SPTLC1: variants seen among roughly 807,000 people sequenced by gnomAD.
The protein encoded by SPTLC1 is serine palmitoyltransferase long chain base subunit 1, also known as serine palmitoyltransferase 1.
A neutral mutation model predicts 68.9 loss-of-function variants in SPTLC1; 55 were observed. The ratio of observed to expected loss-of-function variants is 0.80; its 90% CI spans 0.64 to 1.00. The LOEUF is 1.00. Ranked by LOEUF, SPTLC1 falls within the 50% of genes least tolerant of loss-of-function variation. SPTLC1 has a pLI of 0.00. For synonymous variants in SPTLC1, 197 were observed against 201.6 expected (o/e 0.98, Z 0.19); for missense variants, 449 against 573.1 (o/e 0.78, Z 2.21).
At position 92,082,168 on chromosome 9, in the gene SPTLC1, G is replaced by C. The variant is rs191391938; in HGVS notation, c.261-1205C>G. Among the ~76,000 whole-genome samples the C allele has an allele frequency of 2.3e-4, 35 of 152,118 alleles. No homozygotes were observed. The East Asian group carries it at 6.6e-3, about 29-fold the overall frequency. ...GGAAATTGCTATTATGAAAGTGCCT[G>C]GCTCATAAGAGGTGCTCTCCAAATA... On this transcript the variant is annotated intron_variant, in intron 3 of 14. Transcript: ENST00000262554.
At chr9:92,078,762 A>G (rs549995575) in intron 5 of SPTLC1, among the ~76,000 whole-genome samples, 3 of 152,238 alleles carry the variant, frequency 2.0e-5, no homozygotes, top group Admixed American at 1.3e-4. Flanking sequence ...GCCAATTTCT[A>G]ATTTTAGGGT....
intron 3 of SPTLC1, among the ~76,000 whole-genome samples, chr9:92,088,714 G>A (rs1015151907): frequency 1.3e-5 from 2 of 152,190 alleles, no homozygotes; most frequent in Non-Finnish European, 2.9e-5. Flanking sequence ...CTATCAGAAG[G>A]CAGCATGATG....
intron 12 of SPTLC1, among the ~76,000 whole-genome samples, chr9:92,039,269 CT>C (rs1375256278): frequency 1.3e-5 from 2 of 152,118 alleles, no homozygotes; most frequent in Admixed American, 1.3e-4. Flanking sequence ...AAATTATTTT[CT>C]TTTTACTTAG....
rs181739383 is a variant in SPTLC1 at position 92,105,432 on chromosome 9, G to A, written c.260+3308C>T. 66 of 1,428,760 alleles carry A rather than the reference G, an allele frequency of 4.6e-5. No homozygotes were observed. In the African/African-American group the frequency reaches 8.0e-4, roughly 17 times the overall value. The allele number at this position is 1,428,760 out of a possible 1,614,324, so 88.5% of individuals were successfully genotyped here. ...AGAAAGAAGAGACAGCAGGGCAGGC[G>A]TGGTGGCCCACGCCTGTAATCCAGC... On this transcript the variant is annotated intron_variant, in intron 3 of 14. Transcript: ENST00000262554.
At chr9:92,086,312 T>C (rs1485695985) in intron 3 of SPTLC1, among the ~76,000 whole-genome samples, 7 of 152,168 alleles carry the variant, frequency 4.6e-5, no homozygotes, top group Admixed American at 2.6e-4. Flanking sequence ...TTTTGCTCGT[T>C]AGTTGATGCA....
intron 8 of SPTLC1, chr9:92,053,982 A>G (rs1833796008): frequency 1.0e-5 from 10 of 985,314 alleles, no homozygotes; most frequent in Non-Finnish European, 1.2e-5. Flanking sequence ...TGCTTTCACT[A>G]TTAAAAAGCT....
intron 5 of SPTLC1, chr9:92,076,769 T>G (rs1239328078): frequency 6.6e-6 from 1 of 152,174 alleles, no homozygotes; most frequent in South Asian, 2.1e-4. Flanking sequence ...GACTCTACTC[T>G]TATGCCCCGT....
At chr9:92,099,222 G>A (rs757325415) in intron 3 of SPTLC1, among the ~76,000 whole-genome samples, 13 of 152,152 alleles carry the variant, frequency 8.5e-5, no homozygotes, top group Non-Finnish European at 1.5e-4. Context: ...CCCAGGGATC[G>A]GCACCACAGC....
rs138820429 is a variant in SPTLC1 at position 92,076,560 on chromosome 9, A to T, written c.427+3456T>A. Among the ~76,000 whole-genome samples, 317 of 152,152 alleles carry T rather than the reference A, an allele frequency of 2.1e-3. 4 individuals are homozygous for T. Among genetic ancestry groups the T allele is most frequent in the Non-Finnish European group, 1.7e-3 (114 of 67,990 alleles). On this transcript the variant is annotated intron_variant, in intron 5 of 14. Coordinates refer to ENST00000262554, the MANE Select transcript of SPTLC1 (RefSeq NM_006415.4). ...TCTATCCTCTCCTCCTTTGATGACC[A>T]CTTCCATGTAGGATATAAATCTTTA...
chr9:92,048,397 C>T (rs1276002568), intron 9 of SPTLC1, among the ~76,000 whole-genome samples: 3 of 152,228 alleles, frequency 2.0e-5, no homozygotes, highest in African/African-American at 7.2e-5. Flanking sequence ...TGTCAGAACA[C>T]AGCTAGTGTT....
At chr9:92,110,358 T>C (rs1836183236) in intron 2 of SPTLC1, 2 of 152,212 alleles carry the variant, frequency 1.3e-5, no homozygotes, top group African/African-American at 4.8e-5. Context: ...ACATTTCTCC[T>C]ATTCGATTAG....
At chr9:92,090,288 T>C (rs1835308934) in intron 3 of SPTLC1, among the ~76,000 whole-genome samples, 1 of 152,158 alleles carries the variant, frequency 6.6e-6, no homozygotes, top group Non-Finnish European at 1.5e-5. Flanking sequence ...AGTAAGTCCC[T>C]GTACTGCTCA....
intron 3 of SPTLC1, chr9:92,105,205 A>G: frequency 6.5e-7 from 1 of 1,534,060 alleles, no homozygotes; most frequent in Non-Finnish European, 8.7e-7. Context: ...TGCAGCTGCA[A>G]CCGACCCCTC....
intron 3 of SPTLC1, chr9:92,105,001 G>A (rs1004443109): frequency 1.1e-5 from 17 of 1,521,820 alleles, no homozygotes; most frequent in Admixed American, 7.8e-5. Flanking sequence ...CCCCAGTTCC[G>A]GGCTGCTCCC....
At chr9:92,054,519 G>T (rs1166556794) in intron 8 of SPTLC1, among the ~76,000 whole-genome samples, 1 of 152,144 alleles carries the variant, frequency 6.6e-6, no homozygotes, top group Non-Finnish European at 1.5e-5. Flanking sequence ...GTGGATGGCT[G>T]CAGTGATACA....
chr9:92,045,347 A>ATT (rs574385832), intron 12 of SPTLC1, among the ~76,000 whole-genome samples: 4 of 140,278 alleles, frequency 2.9e-5, no homozygotes, highest in South Asian at 4.5e-4. Flanking sequence ...ACCAACCTCC[A>ATT]TTTTTTTTTT....
chr9:92,095,268 T>G (rs887981105), intron 3 of SPTLC1, among the ~76,000 whole-genome samples: 6 of 152,122 alleles, frequency 3.9e-5, no homozygotes, highest in Non-Finnish European at 4.4e-5. Flanking sequence ...TAGGGAAAAC[T>G]TGAATTCCTA....
intron 11 of SPTLC1, 93 bp downstream of exon 11, chr9:92,047,079 G>T: frequency 9.0e-7 from 1 of 1,109,742 alleles, no homozygotes; most frequent in Non-Finnish European, 1.4e-6. Context: ...AACCAGTTTT[G>T]TCTGGCAAAT....
chr9:92,047,758 A>G lies in SPTLC1; in HGVS notation c.889-50T>C, dbSNP rs75079569. On this transcript the variant is annotated intron_variant, in intron 9 of 14. Transcript: ENST00000262554. Reference sequence around the variant, plus strand: ...TTATTCCACAGTTTAAAGAAAAAAAAGGCCAACTTCAAGCCTAGAGACAAA... The same window carrying G: ...TTATTCCACAGTTTAAAGAAAAAAAGGGCCAACTTCAAGCCTAGAGACAAA... The G allele has an allele frequency of 3.7e-6, 5 of 1,351,050 alleles. No individual in the cohort carries two copies. In the African/African-American group the frequency reaches 4.3e-5, roughly 12 times the overall value. 83.7% of individuals were successfully genotyped at this position (1,351,050 alleles called of 1,614,324 possible).
Sources: allele counts gnomAD v4.1 joint callset (sites outside exome capture counted in the v4.1 genomes callset), GRCh38; gene constraint gnomAD v4.1.1; transcripts MANE v1.5; gene names NCBI Gene and HGNC (gene_info 2026-07-23, HGNC 2026-07-21).